The following CAMK1D variants were observed in gnomAD, a reference collection of about 807,000 sequenced individuals.
The protein encoded by CAMK1D is calcium/calmodulin dependent protein kinase ID, also known as calcium/calmodulin-dependent protein kinase type 1D.
In CAMK1D, 9 loss-of-function variants were observed where a neutral mutation model predicts 47.7. The observed-to-expected ratio is 0.19, with a 90% CI of 0.11 to 0.33. The LOEUF (loss-of-function observed/expected upper bound fraction) is 0.33, where lower values mean the gene tolerates loss of function less well. Among genes scored for constraint, CAMK1D ranks in the 10% least tolerant of loss-of-function variants. The pLI, the probability that CAMK1D is intolerant of heterozygous loss-of-function variation, is 1.00. For missense variants in CAMK1D, 291 were observed against 488.7 expected, an observed-to-expected ratio of 0.60 and a Z score of 3.81; for synonymous variants, 184 against 184.9, an observed-to-expected ratio of 0.99 and a Z score of 0.04.
intron 1 of CAMK1D, among the ~76,000 whole-genome samples, chr10:12,351,195 G>A (rs558459664): frequency 6.6e-6 from 1 of 152,268 alleles, no homozygotes; most frequent in East Asian, 1.9e-4. Context: ...CCGGGAAGGC[G>A]CACGCTGAGG....
chr10:12,647,656 A>C (rs980526771), intron 2 of CAMK1D, among the ~76,000 whole-genome samples: 1 of 152,150 alleles, frequency 6.6e-6, no homozygotes, highest in Non-Finnish European at 1.5e-5. Flanking sequence ...GACCTGGGTA[A>C]GAGGAACCCC....
intron 3 of CAMK1D, among the ~76,000 whole-genome samples, chr10:12,706,076 G>C (rs984762127): frequency 6.6e-6 from 1 of 152,218 alleles, no homozygotes; most frequent in African/African-American, 2.4e-5. Context: ...AGAAATGGCA[G>C]ATAGTAGGTG....
At chr10:12,739,414 T>C (rs1835328392) in intron 3 of CAMK1D, among the ~76,000 whole-genome samples, 1 of 151,700 alleles carries the variant, frequency 6.6e-6, no homozygotes, top group Admixed American at 6.6e-5. Flanking sequence ...TAGCTGGGAT[T>C]ACAGGTGCAT....
At chr10:12,364,017 G>A (rs532576286) in intron 1 of CAMK1D, among the ~76,000 whole-genome samples, 11 of 152,040 alleles carry the variant, frequency 7.2e-5, no homozygotes, top group African/African-American at 2.4e-4. Flanking sequence ...ATTTTTTCAG[G>A]AACCGCCATA....
At chr10:12,506,259 A>G (rs1834867990) in intron 1 of CAMK1D, among the ~76,000 whole-genome samples, 1 of 152,082 alleles carries the variant, frequency 6.6e-6, no homozygotes, top group African/African-American at 2.4e-5. Flanking sequence ...GTCTCTACTA[A>G]AAACACAAAA....
intron 1 of CAMK1D, among the ~76,000 whole-genome samples, chr10:12,503,341 G>A (rs1205865091): frequency 2.0e-5 from 3 of 152,190 alleles, no homozygotes; most frequent in African/African-American, 4.8e-5. Context: ...TGCGTTCAAC[G>A]ACATGAGTGA....
chr10:12,816,384 C>A, intron 8 of CAMK1D, 56 bp downstream of exon 8: 2 of 1,357,852 alleles, frequency 1.5e-6, no homozygotes, highest in Non-Finnish European at 2.1e-6. Flanking sequence ...CTGGGGGGGG[C>A]ACGAAACTTC....
intron 3 of CAMK1D, among the ~76,000 whole-genome samples, chr10:12,706,356 G>A (rs1366079474): frequency 6.6e-6 from 1 of 152,216 alleles, no homozygotes; most frequent in Non-Finnish European, 1.5e-5. Context: ...CTGAGGCTAA[G>A]GGGGCTACCG....
chr10:12,383,992 A>C (rs1838418512), intron 1 of CAMK1D, among the ~76,000 whole-genome samples: 1 of 152,246 alleles, frequency 6.6e-6, no homozygotes, highest in Non-Finnish European at 1.5e-5. Flanking sequence ...CCATTTAATA[A>C]ATGAGTTCAT....
intron 1 of CAMK1D, among the ~76,000 whole-genome samples, chr10:12,529,553 C>A (rs145992185): frequency 2.0e-5 from 3 of 152,278 alleles, no homozygotes; most frequent in Non-Finnish European, 4.4e-5. Flanking sequence ...TTATATCGAC[C>A]ATGAGTTTGC....
chr10:12,486,654 T>TA (rs1834228589), intron 1 of CAMK1D, among the ~76,000 whole-genome samples: 1 of 152,222 alleles, frequency 6.6e-6, no homozygotes, highest in African/African-American at 2.4e-5. Flanking sequence ...GCTTCTCTGT[T>TA]ACAAGATTTT....
intron 3 of CAMK1D, among the ~76,000 whole-genome samples, chr10:12,741,637 CT>C (rs10716606): frequency 0.99 from 151,238 of 152,328 alleles, 75,086 homozygotes; most frequent in Middle Eastern, 1. Flanking sequence ...TCAGGAGCCT[CT>C]TGTCTTAGGT....
intron 5 of CAMK1D, among the ~76,000 whole-genome samples, chr10:12,790,355 T>C (rs1837925675): frequency 6.6e-6 from 1 of 152,160 alleles, no homozygotes; most frequent in Non-Finnish European, 1.5e-5. Context: ...CACTGTCACC[T>C]CCAGGAGGGC....
chr10:12,384,189 T>C (rs1838424085), intron 1 of CAMK1D, among the ~76,000 whole-genome samples: 1 of 152,162 alleles, frequency 6.6e-6, no homozygotes, highest in African/African-American at 2.4e-5. Context: ...CAAAACATCA[T>C]TGAAAGAAAT....
At chr10:12,386,508 G>C (rs1380270201) in intron 1 of CAMK1D, among the ~76,000 whole-genome samples, 10 of 151,782 alleles carry the variant, frequency 6.6e-5, no homozygotes, top group Non-Finnish European at 1.3e-4. Context: ...ATTTAATAAT[G>C]TAAAATAAAC....
intron 2 of CAMK1D, among the ~76,000 whole-genome samples, chr10:12,583,252 G>A (rs1291553077): frequency 2.0e-5 from 3 of 152,164 alleles, no homozygotes; most frequent in Non-Finnish European, 2.9e-5. Context: ...TGGATGGGCT[G>A]ATTTCCCAAG....
chr10:12,419,413 T>A (rs1445533282), intron 1 of CAMK1D, among the ~76,000 whole-genome samples: 6 of 152,104 alleles, frequency 3.9e-5, no homozygotes, highest in Non-Finnish European at 1.5e-5. Context: ...TAGCAACATT[T>A]TCCAAGTTAC....
intron 1 of CAMK1D, among the ~76,000 whole-genome samples, chr10:12,425,314 C>T (rs1374037799): frequency 1.5e-4 from 22 of 147,516 alleles, no homozygotes; most frequent in African/African-American, 5.5e-4. Context: ...CAGAGTCTTG[C>T]TCTGTCCCCC....
At chr10:12,599,387 G>T (rs1290435666) in intron 2 of CAMK1D, among the ~76,000 whole-genome samples, 1 of 152,128 alleles carries the variant, frequency 6.6e-6, no homozygotes, top group Non-Finnish European at 1.5e-5. Flanking sequence ...GTGGTGTGGG[G>T]TGGACCAAGG....
Sources: gnomAD v4.1 joint callset for allele counts (sites outside exome capture counted in the v4.1 genomes callset) on GRCh38, gnomAD v4.1.1 for gene constraint, MANE v1.5 for transcripts, NCBI Gene and HGNC (gene_info 2026-07-23, HGNC 2026-07-21) for gene names.